SMOX: variants seen among roughly 807,000 people sequenced by gnomAD.
The protein encoded by SMOX is spermine oxidase.
In SMOX, 22 loss-of-function variants were observed where a neutral mutation model predicts 51.0. The ratio of observed to expected loss-of-function variants is 0.43; its 90% CI spans 0.31 to 0.62. The LOEUF (loss-of-function observed/expected upper bound fraction) is 0.62. SMOX is among the 20% of genes least tolerant of loss of function. SMOX has a pLI of 0.10. For missense variants in SMOX, 566 were observed against 777.7 expected, an observed-to-expected ratio of 0.73 and a Z score of 3.24; for synonymous variants, 282 against 307.8, an observed-to-expected ratio of 0.92 and a Z score of 0.88.
At chr20:4,157,781 T>A (rs1223405449) in intron 1 of SMOX, among the ~76,000 whole-genome samples, 1 of 152,124 alleles carries the variant, frequency 6.6e-6, no homozygotes, top group Non-Finnish European at 1.5e-5. Context: ...ACCCTCATTC[T>A]CAGACTCTCA....
At chr20:4,150,571 A>T (rs1381803724) in intron 1 of SMOX, among the ~76,000 whole-genome samples, 1 of 151,964 alleles carries the variant, frequency 6.6e-6, no homozygotes, top group Non-Finnish European at 1.5e-5. Context: ...CTATTTACAA[A>T]CCCTTCCCCG....
At chr20:4,168,939 T>C (rs1986703592) in intron 1 of SMOX, among the ~76,000 whole-genome samples, 1 of 141,606 alleles carries the variant, frequency 7.1e-6, no homozygotes, top group Non-Finnish European at 1.5e-5. Flanking sequence ...TATTTTATTT[T>C]ATTTTATTTT....
At position 4,149,161 on chromosome 20, in the gene SMOX, G is replaced by A. The variant is rs957195156; in HGVS notation, c.-27+184G>A. On this transcript the variant is annotated intron_variant, in intron 1 of 6. Transcript: ENST00000305958. The surrounding 1 kb of genome is among the most constrained non-coding windows in gnomAD (Gnocchi z 6.0). ...CGGGCGGGGGTGCGGGGCGTTCCGG[G>A]AGGCTCGCGGGGAGCAGGGGGCGCC... is the stretch of plus-strand genomic sequence containing the variant. 1.3e-5 allele frequency among the ~76,000 whole-genome samples: 2 copies of A among 149,222 alleles called. No individual in the cohort carries two copies. The highest frequency in any genetic ancestry group is 4.9e-5 in the African/African-American group (2 of 41,064).
In SMOX at chr20:4,166,757, C is replaced by T. The variant is rs11906974; in HGVS notation, c.-26-8273C>T. Among the ~76,000 whole-genome samples, 858 of 152,324 alleles carry T rather than the reference C, an allele frequency of 5.6e-3. 10 individuals carry two copies. Among genetic ancestry groups the T allele is most frequent in the African/African-American group, 0.02 (814 of 41,572 alleles). ...CTTGCCTCCCAGTGCCTGTGGGGGC[C>T]GTGTCTTTGGCTCTGTCCCTCCATG... is the stretch of plus-strand genomic sequence containing the variant. On this transcript the variant is annotated intron_variant, in intron 1 of 6. Coordinates refer to ENST00000305958, the MANE Select transcript of SMOX (RefSeq NM_175839.3). This position sits in a 1 kb window ranked among gnomAD's most constrained non-coding sequence, Gnocchi z 4.2.
In SMOX at chr20:4,181,835, C is replaced by A. The variant is rs140225529; in HGVS notation, c.468C>A (p.His156Gln). The change falls in exon 4 of 7, where the codon CAC becomes CAA. Residue 156 changes from histidine to glutamine, a missense_variant. Transcript: ENST00000305958. The surrounding 1 kb of genome is among the most constrained non-coding windows in gnomAD (Gnocchi z 5.6). ...VYNLTQEFFR[H>Q]DKPVNAESQN... ...ACTTGACCCAGGAGTTCTTCCGGCA[C>A]GATAAACCAGTCAATGCTGAAAGTC... 3 of 1,614,048 alleles carry A rather than the reference C, an allele frequency of 1.9e-6. No homozygotes were observed. Among genetic ancestry groups the A allele is most frequent in the Non-Finnish European group, 2.5e-6 (3 of 1,180,010 alleles).
Position 4,187,250 on chromosome 20 carries a change from T to A in SMOX, c.1531-20T>A. 1 of 1,604,640 alleles carries A rather than the reference T, an allele frequency of 6.2e-7. No individual in the cohort carries two copies. The highest frequency in any genetic ancestry group is 8.5e-7 in the Non-Finnish European group (1 of 1,174,252). ...CCTTTGCTGCTCCTCCACCCTGACC[T>A]CCCCATCCCCGCCCCGCAGCCCATG... is the stretch of plus-strand genomic sequence containing the variant. On this transcript the variant is annotated intron_variant, in intron 6 of 6. Transcript: ENST00000305958. The surrounding 1 kb of genome is among the most constrained non-coding windows in gnomAD (Gnocchi z 4.8).
chr20:4,177,634 T>C lies in SMOX; in HGVS notation c.435+57T>C. The C allele has an allele frequency of 1.3e-6, 2 of 1,493,734 alleles. No individual in the cohort carries two copies. Among genetic ancestry groups the C allele is most frequent in the South Asian group, 2.4e-5 (2 of 82,256 alleles). The allele number at this position is 1,493,734 out of a possible 1,614,324, so 92.5% of individuals were successfully genotyped here. ...GGCATGGGGAGACCTGGGAGGTCTG[T>C]GATTCTGGTCGTGTCTCTGCACACT... On this transcript the variant is annotated intron_variant, in intron 3 of 6. Coordinates refer to ENST00000305958, the MANE Select transcript of SMOX (RefSeq NM_175839.3). The surrounding 1 kb of genome is among the most constrained non-coding windows in gnomAD (Gnocchi z 4.3).
rs190074989 is a variant in SMOX, at chr20:4,153,458, G to C, written c.-27+4481G>C. Reference sequence around the variant, plus strand: ...TGGGCCAGGAAGGAGGGAGGAGGGTGTGTCAGCTCTGCCCTGGGAGGCTTT... The same window carrying C: ...TGGGCCAGGAAGGAGGGAGGAGGGTCTGTCAGCTCTGCCCTGGGAGGCTTT... On this transcript the variant is annotated intron_variant, in intron 1 of 6. Coordinates refer to ENST00000305958, the MANE Select transcript of SMOX (RefSeq NM_175839.3). This position sits in a 1 kb window ranked among gnomAD's most constrained non-coding sequence, Gnocchi z 4.4. Among the ~76,000 whole-genome samples, 36 of 152,270 alleles carry C rather than the reference G, an allele frequency of 2.4e-4. No homozygotes were observed. Among genetic ancestry groups the C allele is most frequent in the African/African-American group, 7.7e-4 (32 of 41,546 alleles).
intron 1 of SMOX, among the ~76,000 whole-genome samples, chr20:4,155,475 C>T (rs1363860222): frequency 2.0e-5 from 3 of 152,130 alleles, no homozygotes; most frequent in African/African-American, 7.2e-5. Flanking sequence ...AGGCAAGTGT[C>T]TGCTCCTCTC....
chr20:4,175,890 T>TG (rs1291928964), intron 2 of SMOX, among the ~76,000 whole-genome samples: 11 of 2,118 alleles, frequency 5.2e-3, no homozygotes, highest in East Asian at 0.033. Context: ...GCTTCCCAAC[T>TG]GGCGGGGGAG....
rs779274740 is a variant in SMOX, at chr20:4,175,042, T to C, written c.-14T>C. ...CCTCCCCCTGCAGGTTCCTAGAAGG[T>C]GAGCGCGGACGGTATGCAAAGTTGT... On this transcript the variant is annotated 5_prime_UTR_variant, in exon 2 of 7. Transcript: ENST00000305958. The C allele has an allele frequency of 2.5e-6, 4 of 1,613,482 alleles. No individual in the cohort carries two copies. The highest frequency in any genetic ancestry group is 3.4e-6 in the Non-Finnish European group (4 of 1,179,820).
At position 4,175,243 on chromosome 20, in the gene SMOX, G is replaced by A. The variant is rs1255260823; in HGVS notation, c.188G>A (p.Arg63His). Residue 63 changes from arginine to histidine, a missense_variant, in exon 2 of 7, where the codon CGT (arginine) becomes CAT (histidine). This residue lies in a region of SMOX where 217 missense variants were observed against 278.4 expected (regional missense o/e 0.78). Transcript: ENST00000305958. ...VLEASSHIGG[R>H]VQSVKLGHAT... ...GAGGCTTCCAGCCACATCGGAGGCC[G>A]TGTGCAGAGTGTGAAACTTGGTAAG... The A allele has an allele frequency of 3.1e-6, 5 of 1,614,078 alleles. No homozygotes were observed. The highest frequency in any genetic ancestry group is 2.2e-5 in the East Asian group (1 of 44,868).
intron 1 of SMOX, among the ~76,000 whole-genome samples, chr20:4,173,386 A>C (rs1978573406): frequency 6.6e-6 from 1 of 152,088 alleles, no homozygotes; most frequent in Non-Finnish European, 1.5e-5. Context: ...TGTGGTTGGG[A>C]GTGTCAGTAC....
rs1765001 is a variant in SMOX at position 4,149,354 on chromosome 20, G to A, written c.-27+377G>A. ...CCCGGGCGCCCTGCAGGCGCGCTCCGTGGGCGCAGACAAAGCCGGGCGCGG... is the reference window on the plus strand; with the variant it reads ...CCCGGGCGCCCTGCAGGCGCGCTCCATGGGCGCAGACAAAGCCGGGCGCGG... On this transcript the variant is annotated intron_variant, in intron 1 of 6. Transcript: ENST00000305958. The surrounding 1 kb of genome is among the most constrained non-coding windows in gnomAD (Gnocchi z 6.0). 0.5 allele frequency among the ~76,000 whole-genome samples: 75,877 copies of A among 151,394 alleles called. 19,345 individuals are homozygous for A. Among genetic ancestry groups the A allele is most frequent in the East Asian group, 0.6 (3,022 of 5,056 alleles).
Position 4,181,662 on chromosome 20 carries a change from CATCGG to C in SMOX, c.436-137_436-133del. The C allele has an allele frequency of 2.9e-6, 3 of 1,023,920 alleles. No homozygotes were observed. Among genetic ancestry groups the C allele is most frequent in the Non-Finnish European group, 4.2e-6 (3 of 706,148 alleles). The allele number at this position is 1,023,920 out of a possible 1,614,324, so 63.4% of individuals were successfully genotyped here. On this transcript the variant is annotated intron_variant, in intron 3 of 6. Transcript: ENST00000305958. The surrounding 1 kb of genome is among the most constrained non-coding windows in gnomAD (Gnocchi z 5.6). ...GCTTTTGGTGCAGCATTGAGTGCAA[CATCGG>C]ATCCCTAAGGGACAGAGACCAGGGG...
At position 4,182,053 on chromosome 20, in the gene SMOX, G is replaced by C; in HGVS notation, c.610-36G>C. The C allele has an allele frequency of 6.3e-7, 1 of 1,585,956 alleles. No homozygotes were observed. Among genetic ancestry groups the C allele is most frequent in the Non-Finnish European group, 8.6e-7 (1 of 1,164,182 alleles). ...GCTGCTCCTACCCCTGCCCAACCCC[G>C]GCGGTCACCTGGCTTCTCCTTGGGT... is the stretch of plus-strand genomic sequence containing the variant. On this transcript the variant is annotated intron_variant, in intron 4 of 6. Transcript: ENST00000305958. The surrounding 1 kb of genome is among the most constrained non-coding windows in gnomAD (Gnocchi z 8.4).
At chr20:4,184,566 G>A (rs1386986630) in intron 6 of SMOX, among the ~76,000 whole-genome samples, 1 of 146,510 alleles carries the variant, frequency 6.8e-6, no homozygotes, top group Non-Finnish European at 1.5e-5. Flanking sequence ...CCCCCATCAA[G>A]TAGACACACA....
intron 1 of SMOX, among the ~76,000 whole-genome samples, chr20:4,173,532 G>A (rs898948361): frequency 1.3e-5 from 2 of 152,152 alleles, no homozygotes; most frequent in African/African-American, 4.8e-5. Context: ...TAGGTGCTGT[G>A]CACACTCTTT....
In SMOX at chr20:4,187,202, G is replaced by A. The variant is rs1282487807; in HGVS notation, c.1531-68G>A. On this transcript the variant is annotated intron_variant, in intron 6 of 6. Transcript: ENST00000305958. The surrounding 1 kb of genome is among the most constrained non-coding windows in gnomAD (Gnocchi z 4.8). ...TTGGGATGGGAGGTTCTGGTGGAGAGGGGTGGCCTTGTGGCCTTCTGGCCT... is the reference window on the plus strand; with the variant it reads ...TTGGGATGGGAGGTTCTGGTGGAGAAGGGTGGCCTTGTGGCCTTCTGGCCT... 4.6e-6 allele frequency: 7 copies of A among 1,527,564 alleles called. No individual in the cohort carries two copies. The highest frequency in any genetic ancestry group is 5.3e-6 in the Non-Finnish European group (6 of 1,127,988). The allele number at this position is 1,527,564 out of a possible 1,614,324, so 94.6% of individuals were successfully genotyped here. A position where few individuals can be genotyped will look rare whatever the true frequency, so the allele number is the denominator to read the frequency against.
Sources: gnomAD v4.1 joint callset for allele counts (sites outside exome capture counted in the v4.1 genomes callset) on GRCh38, gnomAD v4.1.1 for gene constraint, gnomAD v4.1.1 regional missense constraint, Gnocchi (gnomAD v3.1) non-coding constraint, MANE v1.5 for transcripts, NCBI Gene and HGNC (gene_info 2026-07-23, HGNC 2026-07-21) for gene names.